The following TAFA5 variants were observed in gnomAD, a reference collection of about 807,000 sequenced individuals.
The protein encoded by TAFA5 is chemokine-like protein TAFA-5.
TAFA5 carries 6 observed loss-of-function variants against 15.3 expected under a neutral mutation model. That is an observed-to-expected ratio of 0.39 (90% CI 0.21 to 0.77). The LOEUF (loss-of-function observed/expected upper bound fraction) is 0.77. Among genes scored for constraint, TAFA5 ranks in the 30% least tolerant of loss-of-function variants. The pLI, the probability that TAFA5 is intolerant of heterozygous loss-of-function variation, is 0.41. For missense variants in TAFA5, 161 were observed against 193.1 expected (o/e 0.83, Z 0.98); for synonymous variants, 103 against 80.7 (o/e 1.28, Z -1.48).
intron 2 of TAFA5, among the ~76,000 whole-genome samples, chr22:48,694,118 C>G (rs130115): frequency 0.66 from 100,101 of 152,128 alleles, 33,319 homozygotes; most frequent in South Asian, 0.79. Flanking sequence ...GGGCAGACTT[C>G]TTGAGCTCTC....
At chr22:48,589,733 G>A (rs1924492301) in intron 1 of TAFA5, among the ~76,000 whole-genome samples, 1 of 152,192 alleles carries the variant, frequency 6.6e-6, no homozygotes, top group South Asian at 2.1e-4. Flanking sequence ...CGCAGGGTCT[G>A]GAGTGATGTG....
chr22:48,622,232 C>A (rs1424227863), intron 1 of TAFA5, among the ~76,000 whole-genome samples: 1 of 152,102 alleles, frequency 6.6e-6, no homozygotes. Flanking sequence ...GCTCTATCCC[C>A]AAAATATTTA....
At chr22:48,692,715 G>T (rs889686493) in intron 2 of TAFA5, among the ~76,000 whole-genome samples, 1 of 152,246 alleles carries the variant, frequency 6.6e-6, no homozygotes, top group African/African-American at 2.4e-5. Context: ...CCAGCATGTG[G>T]AGTAGTATTT....
intron 1 of TAFA5, among the ~76,000 whole-genome samples, chr22:48,493,671 T>C (rs192300520): frequency 1.8e-3 from 281 of 152,132 alleles, no homozygotes; most frequent in African/African-American, 6.4e-3. Flanking sequence ...GGGATGTTTG[T>C]TTTTTTTCAG....
intron 1 of TAFA5, among the ~76,000 whole-genome samples, chr22:48,536,445 C>CG (rs1485157949): frequency 6.6e-6 from 1 of 152,254 alleles, no homozygotes; most frequent in African/African-American, 2.4e-5. Context: ...CGGGAGCCGG[C>CG]GCGGGTGGGT....
chr22:48,508,892 G>A (rs1417577971), intron 1 of TAFA5, among the ~76,000 whole-genome samples: 1 of 151,948 alleles, frequency 6.6e-6, no homozygotes, highest in Admixed American at 6.6e-5. Context: ...TCGCCCTACT[G>A]TGCATAGAGT....
chr22:48,719,047 C>A (rs931016719), intron 3 of TAFA5, among the ~76,000 whole-genome samples: 1 of 152,222 alleles, frequency 6.6e-6, no homozygotes, highest in Non-Finnish European at 1.5e-5. Flanking sequence ...CTGTTCTCAA[C>A]GTGGAAGAAA....
chr22:48,528,943 C>G (rs891460875), intron 1 of TAFA5, among the ~76,000 whole-genome samples: 24 of 152,174 alleles, frequency 1.6e-4, no homozygotes, highest in African/African-American at 2.4e-5. Flanking sequence ...TGAGGGGGTA[C>G]ATTTCAGCTG....
At chr22:48,585,096 C>T (rs1648972602) in intron 1 of TAFA5, among the ~76,000 whole-genome samples, 1 of 149,160 alleles carries the variant, frequency 6.7e-6, no homozygotes, top group South Asian at 2.1e-4. Flanking sequence ...ACACAGCACA[C>T]ACCACGCACA....
intron 1 of TAFA5, among the ~76,000 whole-genome samples, chr22:48,591,212 A>T (rs1924555790): frequency 6.6e-6 from 1 of 152,212 alleles, no homozygotes. Flanking sequence ...CAACCTGAAG[A>T]GTTCTGTGTA....
intron 1 of TAFA5, among the ~76,000 whole-genome samples, chr22:48,540,335 A>G (rs1449320102): frequency 6.6e-6 from 1 of 152,146 alleles, no homozygotes; most frequent in African/African-American, 2.4e-5. Flanking sequence ...GGAAGCCTGG[A>G]AAACCTCTGG....
In TAFA5 at chr22:48,692,760, T is replaced by C. The variant is rs186167601; in HGVS notation, c.263-14957T>C. 3.5e-4 allele frequency among the ~76,000 whole-genome samples: 53 copies of C among 152,308 alleles called. No homozygotes were observed. In the East Asian group the frequency reaches 0.01, roughly 29 times the overall value. ...ACGTATCTAGACAGCCTCGTGACGG[T>C]GTGCAGGTGGCCATACGAGGGGCGT... is the stretch of plus-strand genomic sequence containing the variant. On this transcript the variant is annotated intron_variant, in intron 2 of 3. Transcript: ENST00000402357.
intron 1 of TAFA5, among the ~76,000 whole-genome samples, chr22:48,609,234 GA>G (rs1439117885): frequency 6.6e-6 from 1 of 152,216 alleles, no homozygotes; most frequent in Non-Finnish European, 1.5e-5. Context: ...GGTGAGGCCT[GA>G]AGAGGGAGAT....
chr22:48,723,580 T>G (rs1479441468), intron 3 of TAFA5, among the ~76,000 whole-genome samples: 1 of 152,172 alleles, frequency 6.6e-6, no homozygotes, highest in Non-Finnish European at 1.5e-5. Flanking sequence ...ATGCGGCCAT[T>G]GTACCAAAAA....
chr22:48,572,762 T>G (rs1366115345), intron 1 of TAFA5, among the ~76,000 whole-genome samples: 1 of 152,218 alleles, frequency 6.6e-6, no homozygotes, highest in Non-Finnish European at 1.5e-5. Flanking sequence ...TGTGTTTTCT[T>G]TATGAACACA....
chr22:48,725,551 G>A (rs78015505), intron 3 of TAFA5, among the ~76,000 whole-genome samples: 2,737 of 152,218 alleles, frequency 0.018, 88 homozygotes, highest in African/African-American at 0.063. Context: ...GACCTGGAAC[G>A]AAGGCAGACA....
At chr22:48,573,364 G>A (rs1191810461) in intron 1 of TAFA5, among the ~76,000 whole-genome samples, 1 of 152,168 alleles carries the variant, frequency 6.6e-6, no homozygotes, top group Non-Finnish European at 1.5e-5. Context: ...ACACAGTAAT[G>A]GTTTCAGTAT....
chr22:48,654,877 C>T (rs1051730044), intron 2 of TAFA5, among the ~76,000 whole-genome samples: 2 of 151,932 alleles, frequency 1.3e-5, no homozygotes, highest in Non-Finnish European at 2.9e-5. Flanking sequence ...CAGGGAGCAA[C>T]CTCCTTATCC....
chr22:48,623,370 C>T (rs377589087), intron 1 of TAFA5, among the ~76,000 whole-genome samples: 2 of 142,846 alleles, frequency 1.4e-5, no homozygotes, highest in East Asian at 4.5e-4. Flanking sequence ...GTCGCGTGGC[C>T]CTGCGCGGTG....
Sources: gnomAD v4.1 joint callset for allele counts (sites outside exome capture counted in the v4.1 genomes callset) on GRCh38, gnomAD v4.1.1 for gene constraint, MANE v1.5 for transcripts, NCBI Gene and HGNC (gene_info 2026-07-23, HGNC 2026-07-21) for gene names.